The following SULF1 variants were observed in gnomAD, a reference collection of about 807,000 sequenced individuals.
SULF1 encodes the protein sulfatase 1, also known as extracellular sulfatase Sulf-1.
In SULF1, 46 loss-of-function variants were observed where a neutral mutation model predicts 110.5. That is an observed-to-expected ratio of 0.42 (90% CI 0.33 to 0.53). SULF1 has a LOEUF of 0.53. Ranked by LOEUF, SULF1 falls within the 20% of genes least tolerant of loss-of-function variation. The probability of loss-of-function intolerance (pLI) is 0.12; values close to 1 mark genes in which losing one functional copy is unlikely to be tolerated. For synonymous variants in SULF1, 371 were observed against 387.1 expected, an observed-to-expected ratio of 0.96 and a Z score of 0.49; for missense variants, 941 against 1,094.2, an observed-to-expected ratio of 0.86 and a Z score of 1.98.
At chr8:69,528,626 AGAAGAAAGGGTCATACCAGTGT>A in intron 3 of SULF1, among the ~76,000 whole-genome samples, 1 of 152,300 alleles carries the variant, frequency 6.6e-6, no homozygotes, top group African/African-American at 2.4e-5. Context: ...TACAACTCTT[AGAAGAAAGGGTCATACCAGTGT>A]GTCCTGAGAT....
intron 17 of SULF1, 141 bp downstream of exon 17, chr8:69,628,007 C>A: frequency 1.1e-6 from 1 of 879,076 alleles, no homozygotes; most frequent in Non-Finnish European, 1.8e-6. Flanking sequence ...TTAAGTAAAA[C>A]TAAATATGCT....
At chr8:69,514,597 C>G (rs540120374) in intron 3 of SULF1, among the ~76,000 whole-genome samples, 1 of 152,260 alleles carries the variant, frequency 6.6e-6, no homozygotes, top group South Asian at 2.1e-4. Flanking sequence ...CCAATAGCCC[C>G]CTAAAGTGGG....
At chr8:69,566,722 G>C (rs1487361766) in intron 5 of SULF1, among the ~76,000 whole-genome samples, 1 of 152,050 alleles carries the variant, frequency 6.6e-6, no homozygotes, top group East Asian at 1.9e-4. Context: ...ATGGTGGCAG[G>C]CACCTGTAAT....
chr8:69,529,644 C>G (rs893701167), intron 3 of SULF1, among the ~76,000 whole-genome samples: 1 of 152,132 alleles, frequency 6.6e-6, no homozygotes, highest in African/African-American at 2.4e-5. Flanking sequence ...TTCTAAGGGA[C>G]TTACTAGAGT....
chr8:69,638,863 G>C lies in SULF1; in HGVS notation c.2551+5G>C. ...GACCTAAGAATCTTGATGTTGGTAAGGAAAAAAATACTATTTTTTCTATTT... is the reference window on the plus strand; with the variant it reads ...GACCTAAGAATCTTGATGTTGGTAACGAAAAAAATACTATTTTTTCTATTT... On this transcript the variant is annotated splice_donor_5th_base_variant and intron_variant, in intron 21 of 22. Coordinates refer to ENST00000402687, the MANE Select transcript of SULF1 (RefSeq NM_001128205.2). 1 of 1,596,112 alleles carries C rather than the reference G, an allele frequency of 6.3e-7. No individual in the cohort carries two copies. Among genetic ancestry groups the C allele is most frequent in the Non-Finnish European group, 8.5e-7 (1 of 1,175,228 alleles).
intron 15 of SULF1, among the ~76,000 whole-genome samples, chr8:69,625,738 G>C (rs1809955269): frequency 6.6e-6 from 1 of 152,200 alleles, no homozygotes; most frequent in Non-Finnish European, 1.5e-5. Context: ...GCAGTAGCAA[G>C]ATTTATTGCA....
intron 11 of SULF1, 43 bp from the exon 12 acceptor site, chr8:69,603,557 A>G: frequency 6.5e-7 from 1 of 1,547,960 alleles, no homozygotes; most frequent in Non-Finnish European, 8.9e-7. Context: ...CATTTGGAAA[A>G]ACGTCCAGAT....
intron 22 of SULF1, among the ~76,000 whole-genome samples, chr8:69,656,376 T>A (rs1351511780): frequency 6.6e-6 from 1 of 152,226 alleles, no homozygotes; most frequent in Non-Finnish European, 1.5e-5. Context: ...GTTACATAGG[T>A]AAATGTGTGC....
chr8:69,493,438 C>A (rs999765793), intron 1 of SULF1, among the ~76,000 whole-genome samples: 6 of 146,974 alleles, frequency 4.1e-5, no homozygotes, highest in Non-Finnish European at 8.9e-5. Flanking sequence ...CACACACACA[C>A]ACACAACACT....
intron 3 of SULF1, among the ~76,000 whole-genome samples, chr8:69,530,893 G>C (rs1813035686): frequency 6.6e-6 from 1 of 152,186 alleles, no homozygotes; most frequent in African/African-American, 2.4e-5. Flanking sequence ...TGCTGAGAAG[G>C]GGTAGAATGG....
intron 3 of SULF1, among the ~76,000 whole-genome samples, chr8:69,506,348 C>G (rs1811197157): frequency 6.6e-6 from 1 of 152,166 alleles, no homozygotes; most frequent in Non-Finnish European, 1.5e-5. Flanking sequence ...ATCCTCTTAT[C>G]CCTTTGAGAC....
chr8:69,660,094 G>A lies in SULF1; in HGVS notation c.*1559G>A, dbSNP rs907691120. The stretch of plus-strand genomic sequence containing the variant: ...CTCTCTCTGTGCCTAGCCTCAAAGC[G>A]TTCATCATACATCATACCTTTAAGA... On this transcript the variant is annotated 3_prime_UTR_variant, in exon 23 of 23. Transcript: ENST00000402687. The A allele has an allele frequency of 2.6e-5, 4 of 152,394 alleles. No individual in the cohort carries two copies. The highest frequency in any genetic ancestry group is 7.2e-5 in the African/African-American group (3 of 41,398). 9.4% of individuals were successfully genotyped at this position (152,394 alleles called of 1,614,324 possible).
chr8:69,524,518 A>G (rs1322485614), intron 3 of SULF1, among the ~76,000 whole-genome samples: 1 of 152,148 alleles, frequency 6.6e-6, no homozygotes, highest in African/African-American at 2.4e-5. Flanking sequence ...GATGGCACCA[A>G]GTATTCATGA....
chr8:69,526,619 G>A (rs1479121332), intron 3 of SULF1, among the ~76,000 whole-genome samples: 1 of 149,858 alleles, frequency 6.7e-6, no homozygotes, highest in Non-Finnish European at 1.5e-5. Context: ...AAAAAAGAAA[G>A]AAAGAAAGAA....
At chr8:69,510,618 T>G (rs952937345) in intron 3 of SULF1, among the ~76,000 whole-genome samples, 1 of 85,628 alleles carries the variant, frequency 1.2e-5, no homozygotes, top group African/African-American at 4.3e-5. Context: ...GGGTTTTTTT[T>G]TGTTTTTTTT....
At chr8:69,573,403 T>G (rs1406130950) in intron 5 of SULF1, among the ~76,000 whole-genome samples, 1 of 152,212 alleles carries the variant, frequency 6.6e-6, no homozygotes, top group Admixed American at 6.5e-5. Context: ...TAAATCAGAT[T>G]TCTACCTCGG....
intron 3 of SULF1, among the ~76,000 whole-genome samples, chr8:69,527,647 A>C (rs1812789268): frequency 6.6e-6 from 1 of 152,172 alleles, no homozygotes; most frequent in Non-Finnish European, 1.5e-5. Context: ...ACAGGTTCCT[A>C]AGTAAATATA....
At position 69,589,048 on chromosome 8, in the gene SULF1, C is replaced by T. The variant is rs2130284966; in HGVS notation, c.641C>T (p.Pro214Leu). ...KMSKRMYPHR[P>L]VMMVISHAAP... Reference sequence around the variant, plus strand: ...TCTAAGAGAATGTATCCCCATAGGCCCGTTATGATGGTGATCAGCCACGCT... The same window carrying T: ...TCTAAGAGAATGTATCCCCATAGGCTCGTTATGATGGTGATCAGCCACGCT... The change falls in exon 8 of 23, where the codon CCC becomes CTC. Residue 214 changes from proline (P) to leucine (L), a missense_variant. By Grantham distance (98) the Pro-to-Leu change is moderately conservative. This residue lies in a region of SULF1 where 822 missense variants were observed against 934.3 expected (regional missense o/e 0.88). Transcript: ENST00000402687. The T allele has an allele frequency of 1.2e-6, 2 of 1,614,138 alleles. No homozygotes were observed. The highest frequency in any genetic ancestry group is 3.3e-5 in the Admixed American group (2 of 60,018).
At chr8:69,514,458 C>T (rs1235053758) in intron 3 of SULF1, among the ~76,000 whole-genome samples, 2 of 152,198 alleles carry the variant, frequency 1.3e-5, no homozygotes, top group Admixed American at 1.3e-4. Context: ...CAGGTTCCAC[C>T]TCCAACACTC....
Sources: allele counts gnomAD v4.1 joint callset (sites outside exome capture counted in the v4.1 genomes callset), GRCh38; gene constraint gnomAD v4.1.1; regional missense constraint gnomAD v4.1.1; transcripts MANE v1.5; gene names NCBI Gene and HGNC (gene_info 2026-07-23, HGNC 2026-07-21).